The following ZNF510 variants were observed in gnomAD, a reference collection of about 807,000 sequenced individuals.
ZNF510 encodes the protein zinc finger protein 510.
A neutral mutation model predicts 18.1 loss-of-function variants in ZNF510; 15 were observed. That is an observed-to-expected ratio of 0.83 (90% CI 0.55 to 1.28). ZNF510 has a LOEUF of 1.28. Among genes scored for constraint, ZNF510 ranks in the 50% most tolerant of loss-of-function variants. The probability of loss-of-function intolerance (pLI) is 0.00; values close to 1 mark genes in which losing one functional copy is unlikely to be tolerated. For missense variants in ZNF510, 724 were observed against 791.8 expected, an observed-to-expected ratio of 0.91 and a Z score of 1.03; for synonymous variants, 261 against 266.4, an observed-to-expected ratio of 0.98 and a Z score of 0.20.
rs184505997 is a variant in ZNF510, at chr9:96,759,255, A to G, written c.1575T>C (p.Phe525=). 1.2e-5 allele frequency: 20 copies of G among 1,613,852 alleles called. No homozygotes were observed. In the East Asian group the frequency reaches 2.5e-4, roughly 20 times the overall value. ...GTATTCTGAGGTTTGACTTCTGGCC[A>G]AATGTTTTTCCACATTGATTGCATT... ...SFQCNQCGKT[F]GQKSNLRIHQ... Residue 525 remains phenylalanine (F), a synonymous_variant, in exon 6 of 6, where the codon TTT becomes TTC. Transcript: ENST00000223428.
At chr9:96,776,693 G>A (rs921366613) in intron 1 of ZNF510, among the ~76,000 whole-genome samples, 1 of 152,190 alleles carries the variant, frequency 6.6e-6, no homozygotes, top group Admixed American at 6.5e-5. Context: ...GCTGGGGCAG[G>A]AGAATCAGTT....
Position 96,776,064 on chromosome 9 carries a change from C to T in ZNF510, c.6G>A (p.Ser2=), listed in dbSNP as rs61743101. 1,092 of 1,603,082 alleles carry T rather than the reference C, an allele frequency of 6.8e-4. 4 individuals are homozygous for T. The African/African-American group carries it at 0.012, about 18-fold the overall frequency. The part of the protein sequence containing the change: M[S]PHPEAITDCV... ...AATCTGTGATGGCTTCTGGATGTGGCGACATCACCAAGTCTGGTGCTCTCT... is the reference window on the plus strand; with the variant it reads ...AATCTGTGATGGCTTCTGGATGTGGTGACATCACCAAGTCTGGTGCTCTCT... The change falls in exon 2 of 6, where the codon TCG becomes TCA. Residue 2 remains serine (S), a synonymous_variant. Transcript: ENST00000223428.
At chr9:96,766,746 G>A (rs531719212) in intron 3 of ZNF510, among the ~76,000 whole-genome samples, 58 of 152,186 alleles carry the variant, frequency 3.8e-4, no homozygotes, top group African/African-American at 1.3e-3. Flanking sequence ...TAAAAGCAAC[G>A]CTAACATCCT....
chr9:96,773,132 A>C (rs1301171298), intron 3 of ZNF510, among the ~76,000 whole-genome samples: 1 of 152,192 alleles, frequency 6.6e-6, no homozygotes, highest in East Asian at 1.9e-4. Context: ...TCAAAAATGA[A>C]TTTATCTTTT....
At position 96,759,321 on chromosome 9, in the gene ZNF510, G is replaced by C. The variant is rs1849277879; in HGVS notation, c.1509C>G (p.Leu503=). The change falls in exon 6 of 6, where the codon CTC becomes CTG. Residue 503 remains leucine (L), a synonymous_variant. Transcript: ENST00000223428. ...CGKTFVQKST[L]RDHHRIHTGE... is the part of the protein sequence containing the mutation. ...CTGTGTGAATTCTGTGATGATCTCT[G>C]AGGGTGGACTTCTGAACAAAAGTTT... The C allele has an allele frequency of 1.2e-6, 2 of 1,614,004 alleles. No homozygotes were observed. Among genetic ancestry groups the C allele is most frequent in the African/African-American group, 1.3e-5 (1 of 74,916 alleles).
At chr9:96,762,211 A>AG (rs1348094855) in intron 5 of ZNF510, among the ~76,000 whole-genome samples, 2 of 148,890 alleles carry the variant, frequency 1.3e-5, no homozygotes, top group Non-Finnish European at 3.0e-5. Context: ...AATTAAAAAA[A>AG]AAAAAAAAAA....
rs962711428 is a variant in ZNF510, at chr9:96,758,074, C to T, written c.*704G>A. ...GGATCCATTTAATAACTTTAAAGTACAGTTGACCATGGTTAATGGAAATTG... is the reference window on the plus strand; with the variant it reads ...GGATCCATTTAATAACTTTAAAGTATAGTTGACCATGGTTAATGGAAATTG... On this transcript the variant is annotated 3_prime_UTR_variant, in exon 6 of 6. Coordinates refer to ENST00000223428, the MANE Select transcript of ZNF510 (RefSeq NM_014930.3). 6.6e-6 allele frequency: 1 copy of T among 152,158 alleles called. No homozygotes were observed. Among genetic ancestry groups the T allele is most frequent in the African/African-American group, 2.4e-5 (1 of 41,436 alleles). The allele number at this position is 152,158 out of a possible 1,614,324, so 9.4% of individuals were successfully genotyped here.
At chr9:96,761,451 TAAAACTTTCATGTGCAACTTA>T (rs551282006) in intron 5 of ZNF510, among the ~76,000 whole-genome samples, 240 of 152,266 alleles carry the variant, frequency 1.6e-3, no homozygotes, top group Non-Finnish European at 2.8e-3. Context: ...TATATCTGCA[TAAAACTTTCATGTGCAACTTA>T]ATACTATTAA....
At chr9:96,769,502 C>T (rs1350220030) in intron 3 of ZNF510, among the ~76,000 whole-genome samples, 2 of 151,418 alleles carry the variant, frequency 1.3e-5, no homozygotes, top group African/African-American at 4.9e-5. Context: ...AACTGCATGA[C>T]TCTTAGATGA....
At chr9:96,777,820 A>G (rs1849737924) in intron 1 of ZNF510, 1 of 152,146 alleles carries the variant, frequency 6.6e-6, no homozygotes, top group South Asian at 2.1e-4. Context: ...CTCGGCCCGC[A>G]CCGAGCATCT....
intron 3 of ZNF510, among the ~76,000 whole-genome samples, chr9:96,765,263 G>A (rs1183424015): frequency 1.3e-5 from 2 of 152,142 alleles, no homozygotes; most frequent in Admixed American, 6.5e-5. Context: ...CACGGATTAC[G>A]TATTTGTAAA....
chr9:96,773,172 T>C (rs773339148), intron 3 of ZNF510, among the ~76,000 whole-genome samples: 4 of 152,190 alleles, frequency 2.6e-5, no homozygotes, highest in Non-Finnish European at 4.4e-5. Context: ...AGAATTGTGG[T>C]TGCCCTGTAG....
intron 2 of ZNF510, 53 bp from the exon 3 acceptor site, chr9:96,774,899 C>G (rs1319171720): frequency 6.7e-7 from 1 of 1,499,268 alleles, no homozygotes; most frequent in Non-Finnish European, 9.3e-7. Flanking sequence ...ATCTTACCTG[C>G]CTACCAATGT....
chr9:96,776,342 T>G, intron 1 of ZNF510, 97 bp from the exon 2 acceptor site: 2 of 437,024 alleles, frequency 4.6e-6, no homozygotes, highest in South Asian at 3.2e-5. Flanking sequence ...AACAGTGTTC[T>G]TCACGTCAGC....
At position 96,754,581 on chromosome 9, in the gene ZNF510, A is replaced by C. The variant is rs974739122; in HGVS notation, c.*4197T>G. Among the ~76,000 whole-genome samples, 2 of 152,224 alleles carry C rather than the reference A, an allele frequency of 1.3e-5. No homozygotes were observed. Among genetic ancestry groups the C allele is most frequent in the Non-Finnish European group, 2.9e-5 (2 of 68,052 alleles). ...GAACTGGGAATCTCAATTTATTGAA[A>C]ATACATGTTTTGGTTGACAAAGATC... On this transcript the variant is annotated 3_prime_UTR_variant, in exon 6 of 6. Transcript: ENST00000223428.
chr9:96,768,326 C>T (rs986810038), intron 3 of ZNF510, among the ~76,000 whole-genome samples: 1 of 152,114 alleles, frequency 6.6e-6, no homozygotes, highest in Non-Finnish European at 1.5e-5. Context: ...TGCCTGCTTT[C>T]ATCATTTCTA....
Position 96,757,827 on chromosome 9 carries a change from G to A in ZNF510, c.*951C>T, listed in dbSNP as rs1302963166. 1 of 152,152 alleles carries A rather than the reference G, an allele frequency of 6.6e-6. No homozygotes were observed. Among genetic ancestry groups the A allele is most frequent in the African/African-American group, 2.4e-5 (1 of 41,416 alleles). The allele number at this position is 152,152 out of a possible 1,614,324, so 9.4% of individuals were successfully genotyped here. A position where few individuals can be genotyped will look rare whatever the true frequency, so the allele number is the denominator to read the frequency against. On this transcript the variant is annotated 3_prime_UTR_variant, in exon 6 of 6. Transcript: ENST00000223428. ...TCTTGCAATTTCAGGCCATTATTTA[G>A]TAAAACAAGGGTTACTTGAATACAA...
intron 5 of ZNF510, among the ~76,000 whole-genome samples, chr9:96,761,095 G>A (rs1276652505): frequency 2.6e-5 from 4 of 152,138 alleles, no homozygotes; most frequent in Non-Finnish European, 5.9e-5. Flanking sequence ...TTATGGTTGT[G>A]ATTCATAGAA....
rs542563720 is a variant in ZNF510, at chr9:96,772,778, G to A, written c.129+2010C>T. On this transcript the variant is annotated intron_variant, in intron 3 of 5. Coordinates refer to ENST00000223428, the MANE Select transcript of ZNF510 (RefSeq NM_014930.3). ...GTACAGCCAGAATGCTAGTGGGAAT[G>A]TAAACTGATTTGACCACTTAGGCAA... is the stretch of plus-strand genomic sequence containing the variant. Among the ~76,000 whole-genome samples the A allele has an allele frequency of 2.2e-4, 33 of 152,344 alleles. No individual in the cohort carries two copies. The South Asian group carries it at 6.2e-3, about 29-fold the overall frequency.
Sources: gnomAD v4.1 joint callset for allele counts (sites outside exome capture counted in the v4.1 genomes callset) on GRCh38, gnomAD v4.1.1 for gene constraint, MANE v1.5 for transcripts, NCBI Gene and HGNC (gene_info 2026-07-23, HGNC 2026-07-21) for gene names.